The following TEAD2 variants were observed in gnomAD, a reference collection of about 807,000 sequenced individuals.
TEAD2 encodes TEA domain transcription factor 2, also known as transcriptional enhancer factor TEF-4.
In TEAD2, 51 loss-of-function variants were observed where a neutral mutation model predicts 61.4. That is an observed-to-expected ratio of 0.83 (90% CI 0.66 to 1.05). TEAD2 has a LOEUF of 1.05. Ranked by LOEUF, TEAD2 falls within the 50% of genes least tolerant of loss-of-function variation. The probability of loss-of-function intolerance (pLI) is 0.00; values close to 1 mark genes in which losing one functional copy is unlikely to be tolerated. For missense variants in TEAD2, 509 were observed against 600.0 expected, an observed-to-expected ratio of 0.85 and a Z score of 1.58; for synonymous variants, 244 against 243.2, an observed-to-expected ratio of 1.00 and a Z score of -0.03.
rs1222395961 is a variant in TEAD2, at chr19:49,355,416, G to C, written c.376C>G (p.Gln126Glu). The change falls in exon 6 of 13, where the codon CAG (glutamine) becomes GAG (glutamate). Residue 126 changes from glutamine (Q) to glutamate (E), a missense_variant. Coordinates refer to ENST00000593945, the MANE Select transcript of TEAD2 (RefSeq NM_001256660.2). Reference protein sequence around the residue: ...QSKLKALNVDQVSKDKAFQTM... With the variant: ...QSKLKALNVDEVSKDKAFQTM... ...TGGAAAGCCTTGTCCTTGGAAACCT[G>C]GTCCTGGAGGAGGAGGCGGAAGTTC... 1 of 1,613,886 alleles carries C rather than the reference G, an allele frequency of 6.2e-7. No homozygotes were observed. The highest frequency in any genetic ancestry group is 8.5e-7 in the Non-Finnish European group (1 of 1,179,906).
intron 1 of TEAD2, among the ~76,000 whole-genome samples, chr19:49,361,023 C>CT: frequency 2.2e-5 from 1 of 44,640 alleles, no homozygotes; most frequent in African/African-American, 1.2e-4. Flanking sequence ...GGGACAGAGA[C>CT]CAGAGGGAGG....
At chr19:49,362,131 C>T (rs1238427838) in intron 1 of TEAD2, among the ~76,000 whole-genome samples, 1 of 152,172 alleles carries the variant, frequency 6.6e-6, no homozygotes, top group Non-Finnish European at 1.5e-5. Flanking sequence ...TTGGCCCGCA[C>T]CCGCTCCTGC....
intron 7 of TEAD2, among the ~76,000 whole-genome samples, chr19:49,354,737 C>T (rs543938365): frequency 3.9e-5 from 6 of 152,248 alleles, no homozygotes; most frequent in East Asian, 3.9e-4. Context: ...CGGTGGCTCA[C>T]GCCTGTAATC....
rs3810191 is a variant in TEAD2 at position 49,341,066 on chromosome 19, G to A, written c.*258C>T. On this transcript the variant is annotated 3_prime_UTR_variant, in exon 13 of 13. Transcript: ENST00000593945. The surrounding 1 kb of genome is among the most constrained non-coding windows in gnomAD (Gnocchi z 4.2). Reference sequence around the variant, plus strand: ...TGTCCCCACAATCCCTGATACTCCGGAGTGATCTGTCCTTTCAGACACCCA... The same window carrying A: ...TGTCCCCACAATCCCTGATACTCCGAAGTGATCTGTCCTTTCAGACACCCA... The A allele has an allele frequency of 1.1e-3, 475 of 434,868 alleles. 5 individuals carry two copies. The East Asian group carries it at 0.016, about 15-fold the overall frequency. 26.9% of individuals were successfully genotyped at this position (434,868 alleles called of 1,614,324 possible). A position where few individuals can be genotyped will look rare whatever the true frequency, so the allele number is the denominator to read the frequency against.
chr19:49,344,342 G>A (rs952982780), intron 10 of TEAD2, among the ~76,000 whole-genome samples: 2 of 150,468 alleles, frequency 1.3e-5, no homozygotes, highest in Admixed American at 6.6e-5. Context: ...GTGCAATGCC[G>A]CGATCTTGAC....
At position 49,341,152 on chromosome 19, in the gene TEAD2, A is replaced by T; in HGVS notation, c.*172T>A. 1 of 605,686 alleles carries T rather than the reference A, an allele frequency of 1.7e-6. No homozygotes were observed. Among genetic ancestry groups the T allele is most frequent in the Non-Finnish European group, 2.9e-6 (1 of 342,654 alleles). The allele number at this position is 605,686 out of a possible 1,614,324, so 37.5% of individuals were successfully genotyped here. On this transcript the variant is annotated 3_prime_UTR_variant, in exon 13 of 13. Coordinates refer to ENST00000593945, the MANE Select transcript of TEAD2 (RefSeq NM_001256660.2). This position sits in a 1 kb window ranked among gnomAD's most constrained non-coding sequence, Gnocchi z 4.2. ...CAGTCCCAGCCTGTTCAGCTCTCCA[A>T]CCAAGTTTTGGGGGCCCCTCTAATG...
rs776341028 is a variant in TEAD2 at position 49,342,582 on chromosome 19, C to G, written c.1098G>C (p.Arg366=). 6 of 1,612,558 alleles carry G rather than the reference C, an allele frequency of 3.7e-6. No individual in the cohort carries two copies. The highest frequency in any genetic ancestry group is 5.1e-6 in the Non-Finnish European group (6 of 1,179,054). Residue 366 remains arginine, a synonymous_variant, in exon 12 of 13, where the codon CGG becomes CGC. Transcript: ENST00000593945. ...KQVVEKVETE[R]AQLEDGRFVY... ...CAAATCTGCCGTCCTCCAGCTGGGC[C>G]CGTTCCGTCTGAACCAAGGGGAAGG...
intron 7 of TEAD2, among the ~76,000 whole-genome samples, chr19:49,351,925 G>A (rs1326193952): frequency 6.6e-6 from 1 of 151,992 alleles, no homozygotes; most frequent in African/African-American, 2.4e-5. Flanking sequence ...GGCAGATGTT[G>A]CAGTGAGCCG....
intron 10 of TEAD2, among the ~76,000 whole-genome samples, chr19:49,344,144 G>A (rs1480077172): frequency 6.6e-6 from 1 of 151,888 alleles, no homozygotes; most frequent in African/African-American, 2.4e-5. Context: ...ACCGCGTCAG[G>A]CTTTCAAAGT....
At chr19:49,357,204 C>G in intron 4 of TEAD2, 48 bp downstream of exon 4, 1 of 1,579,720 alleles carries the variant, frequency 6.3e-7, no homozygotes. Flanking sequence ...CTCGGTCCCC[C>G]ACCCCCAGTC....
At chr19:49,352,083 G>C (rs867076382) in intron 7 of TEAD2, among the ~76,000 whole-genome samples, 1 of 151,618 alleles carries the variant, frequency 6.6e-6, no homozygotes, top group Non-Finnish European at 1.5e-5. Flanking sequence ...GAGGCTGAGG[G>C]GTTGGGAGGG....
At chr19:49,349,464 A>C (rs949343798) in intron 8 of TEAD2, among the ~76,000 whole-genome samples, 1 of 147,100 alleles carries the variant, frequency 6.8e-6, no homozygotes, top group Non-Finnish European at 1.5e-5. Context: ...CTCTGTCTCA[A>C]AAAAAAAAAA....
intron 4 of TEAD2, 84 bp downstream of exon 4, chr19:49,357,168 G>C: frequency 1.5e-6 from 2 of 1,374,546 alleles, no homozygotes; most frequent in Non-Finnish European, 2.0e-6. Flanking sequence ...CCCTCTCCCT[G>C]GGTCTCTGTC....
rs1222819705 is a variant in TEAD2, at chr19:49,357,455, G to A, written c.298-141C>T. ...ACACTGAAGATGAGAGCCATCTCGG[G>A]AGCACCCGAACACAGATGTCCATAA... On this transcript the variant is annotated intron_variant, in intron 3 of 12. Transcript: ENST00000593945. 4 of 878,906 alleles carry A rather than the reference G, an allele frequency of 4.6e-6. No individual in the cohort carries two copies. The East Asian group carries it at 7.9e-5, about 17-fold the overall frequency. 54.4% of individuals were successfully genotyped at this position (878,906 alleles called of 1,614,324 possible).
At position 49,341,689 on chromosome 19, in the gene TEAD2, C is replaced by T. The variant is rs1416294472; in HGVS notation, c.1243-252G>A. Reference sequence around the variant, plus strand: ...CTCAGGGTTAATCGGGTTCCCATCACATCACATTCCCTGGGTAAAAGGGGT... The same window carrying T: ...CTCAGGGTTAATCGGGTTCCCATCATATCACATTCCCTGGGTAAAAGGGGT... On this transcript the variant is annotated intron_variant, in intron 12 of 12. Transcript: ENST00000593945. This position sits in a 1 kb window ranked among gnomAD's most constrained non-coding sequence, Gnocchi z 4.2. 6.6e-6 allele frequency among the ~76,000 whole-genome samples: 1 copy of T among 152,154 alleles called. No individual in the cohort carries two copies. The highest frequency in any genetic ancestry group is 1.5e-5 in the Non-Finnish European group (1 of 68,036).
At position 49,355,370 on chromosome 19, in the gene TEAD2, G is replaced by C; in HGVS notation, c.422C>G (p.Ser141Cys). 3 of 1,614,228 alleles carry C rather than the reference G, an allele frequency of 1.9e-6. No individual in the cohort carries two copies. The highest frequency in any genetic ancestry group is 2.2e-5 in the South Asian group (2 of 91,078). The change falls in exon 6 of 13, where the codon TCT (serine) becomes TGT (cysteine). Residue 141 changes from serine (S) to cysteine (C), a missense_variant. Coordinates refer to ENST00000593945, the MANE Select transcript of TEAD2 (RefSeq NM_001256660.2). The stretch of plus-strand genomic sequence containing the variant: ...AGAAGGCGCGGAGATGAGCTGGGCA[G>C]AGGACATGGTTGCCATTGTCTGGAA... ...KAFQTMATMS[S>C]AQLISAPSLQ...
chr19:49,352,056 G>A (rs375683976), intron 7 of TEAD2, among the ~76,000 whole-genome samples: 12 of 144,074 alleles, frequency 8.3e-5, no homozygotes, highest in South Asian at 2.5e-4. Context: ...CAGAAGACAA[G>A]GAATTTGGAG....
Position 49,359,925 on chromosome 19 carries a change from G to A in TEAD2, c.151C>T (p.Gln51Ter). Residue 51 changes from glutamine to a stop codon, truncating the protein, a stop_gained, in exon 2 of 13, where the codon CAG becomes TAG. Transcript: ENST00000593945. LOFTEE classifies it high-confidence loss of function. The surrounding 1 kb of genome is among the most constrained non-coding windows in gnomAD (Gnocchi z 4.1). Reference protein sequence around the residue: ...AEGVWSPDIEQSFQEALAIYP... With the variant: ...AEGVWSPDIE ...ATGGCCAGGGCCTCCTGGAAGCTCT[G>A]CTCAATGTCTGGGCTCCACACCCCC... The A allele has an allele frequency of 6.2e-7, 1 of 1,612,918 alleles. No individual in the cohort carries two copies.
At chr19:49,352,892 G>A (rs749220839) in intron 7 of TEAD2, among the ~76,000 whole-genome samples, 3 of 151,386 alleles carry the variant, frequency 2.0e-5, no homozygotes, top group East Asian at 2.0e-4. Flanking sequence ...CTCCTCCCCC[G>A]CCCACCAAAT....
Sources: allele counts gnomAD v4.1 joint callset (sites outside exome capture counted in the v4.1 genomes callset), GRCh38; gene constraint gnomAD v4.1.1; non-coding constraint Gnocchi (gnomAD v3.1); transcripts MANE v1.5; gene names NCBI Gene and HGNC (gene_info 2026-07-23, HGNC 2026-07-21).